MSRA: variants seen among roughly 807,000 people sequenced by gnomAD.
The protein encoded by MSRA is mitochondrial peptide methionine sulfoxide reductase.
In MSRA, 54 loss-of-function variants were observed where a neutral mutation model predicts 31.3. That is an observed-to-expected ratio of 1.73 (90% CI 1.39 to 2.17). MSRA has a LOEUF of 2.17. MSRA is among the 30% of genes most tolerant of loss of function. The pLI is 0.00. For missense variants in MSRA, 507 were observed against 300.9 expected (o/e 1.69, Z -5.07); for synonymous variants, 169 against 116.5 (o/e 1.45, Z -2.90).
intron 1 of MSRA, among the ~76,000 whole-genome samples, chr8:10,111,468 C>G (rs1424629770): frequency 6.6e-6 from 1 of 152,120 alleles, no homozygotes; most frequent in East Asian, 1.9e-4. Flanking sequence ...CAGGTTAACT[C>G]CATTTATGAT....
At chr8:10,314,936 G>A (rs1445471603) in intron 4 of MSRA, among the ~76,000 whole-genome samples, 1 of 152,146 alleles carries the variant, frequency 6.6e-6, no homozygotes, top group African/African-American at 2.4e-5. Context: ...ACATACCGGA[G>A]ACTGGGTAAT....
At chr8:10,256,451 G>A (rs77701739) in intron 3 of MSRA, among the ~76,000 whole-genome samples, 5,362 of 152,224 alleles carry the variant, frequency 0.035, 301 homozygotes, top group African/African-American at 0.12. Context: ...GGTTTTAAAC[G>A]TTCAGTAGAG....
chr8:10,330,005 A>AGTGT (rs1231687542), intron 5 of MSRA, among the ~76,000 whole-genome samples: 3 of 91,312 alleles, frequency 3.3e-5, no homozygotes, highest in Non-Finnish European at 6.9e-5. Context: ...GAGAGAAAAA[A>AGTGT]ATGTGTGTGT....
chr8:10,356,545 T>G (rs1804518491), intron 5 of MSRA, among the ~76,000 whole-genome samples: 1 of 152,170 alleles, frequency 6.6e-6, no homozygotes, highest in Non-Finnish European at 1.5e-5. Context: ...CCACTCAAAT[T>G]CCTTTGTTGA....
intron 1 of MSRA, among the ~76,000 whole-genome samples, chr8:10,106,053 C>A (rs1036854846): frequency 6.6e-5 from 10 of 152,316 alleles, no homozygotes; most frequent in African/African-American, 2.2e-4. Context: ...CTATAGGAAC[C>A]CTCCTTGGTT....
chr8:10,265,466 T>C (rs886533825), intron 3 of MSRA, among the ~76,000 whole-genome samples: 2 of 152,174 alleles, frequency 1.3e-5, no homozygotes, highest in Admixed American at 1.3e-4. Flanking sequence ...CTTTGGAATC[T>C]TCTCTTCTCC....
chr8:10,072,543 C>T (rs953617675), intron 1 of MSRA, among the ~76,000 whole-genome samples: 7 of 152,166 alleles, frequency 4.6e-5, no homozygotes, highest in African/African-American at 1.7e-4. Context: ...AGTCATCCCT[C>T]CCACCTTATT....
chr8:10,363,679 T>A (rs12548803), intron 5 of MSRA, among the ~76,000 whole-genome samples: 141,116 of 151,042 alleles, frequency 0.93, 66,259 homozygotes, highest in East Asian at 1. Context: ...CAGGGGTGGG[T>A]GGATCACTTG....
intron 1 of MSRA, chr8:10,095,850 T>C (rs752981668): frequency 1.1e-4 from 138 of 1,267,388 alleles, no homozygotes; most frequent in Non-Finnish European, 1.3e-4. Context: ...ATAGTGTCCA[T>C]GCATTTGGGA....
intron 1 of MSRA, among the ~76,000 whole-genome samples, chr8:10,055,824 T>C (rs770235936): frequency 9.2e-5 from 14 of 152,000 alleles, no homozygotes; most frequent in Non-Finnish European, 1.9e-4. Context: ...AAGGTAGAGG[T>C]TTTTTGGATT....
intron 5 of MSRA, among the ~76,000 whole-genome samples, chr8:10,424,326 G>A (rs1447944071): frequency 1.3e-5 from 2 of 152,164 alleles, no homozygotes; most frequent in African/African-American, 2.4e-5. Context: ...ATGCTGAGGG[G>A]TGAATCAGGG....
At chr8:10,251,144 G>A (rs1797895195) in intron 3 of MSRA, among the ~76,000 whole-genome samples, 1 of 151,806 alleles carries the variant, frequency 6.6e-6, no homozygotes, top group African/African-American at 2.4e-5. Context: ...TTTCCTTGAT[G>A]CTTGAGAACT....
intron 5 of MSRA, among the ~76,000 whole-genome samples, chr8:10,341,905 G>C (rs1161823993): frequency 6.6e-6 from 1 of 152,196 alleles, no homozygotes; most frequent in African/African-American, 2.4e-5. Flanking sequence ...TGCCAGCTAA[G>C]ATACATCTAG....
chr8:10,398,856 T>C (rs893329943), intron 5 of MSRA, among the ~76,000 whole-genome samples: 1 of 152,254 alleles, frequency 6.6e-6, no homozygotes, highest in Non-Finnish European at 1.5e-5. Flanking sequence ...CCATTGCTTC[T>C]GAATTTTGCT....
At chr8:10,201,759 C>T (rs1808522070) in intron 1 of MSRA, among the ~76,000 whole-genome samples, 1 of 152,204 alleles carries the variant, frequency 6.6e-6, no homozygotes, top group Non-Finnish European at 1.5e-5. Flanking sequence ...TTGACTTTGA[C>T]CCAGTCTTGG....
intron 1 of MSRA, among the ~76,000 whole-genome samples, chr8:10,166,477 A>G (rs976208165): frequency 3.9e-4 from 59 of 152,170 alleles, no homozygotes; most frequent in African/African-American, 1.4e-3. Context: ...ACATGACTAC[A>G]TATGTGTGTG....
intron 2 of MSRA, among the ~76,000 whole-genome samples, chr8:10,219,105 C>T (rs1346165027): frequency 6.6e-6 from 1 of 152,160 alleles, no homozygotes; most frequent in Non-Finnish European, 1.5e-5. Flanking sequence ...GGTCTTGCTT[C>T]TAGATGTGCA....
intron 1 of MSRA, among the ~76,000 whole-genome samples, chr8:10,060,074 G>A (rs1209770416): frequency 6.6e-6 from 1 of 152,144 alleles, no homozygotes; most frequent in African/African-American, 2.4e-5. Flanking sequence ...AAATTCAAAT[G>A]CATATACCTT....
intron 5 of MSRA, among the ~76,000 whole-genome samples, chr8:10,321,419 T>C (rs1802035866): frequency 6.6e-6 from 1 of 152,048 alleles, no homozygotes; most frequent in Non-Finnish European, 1.5e-5. Context: ...AGTTCGACTA[T>C]GATGAGCGGA....
Sources: allele counts gnomAD v4.1 joint callset (sites outside exome capture counted in the v4.1 genomes callset), GRCh38; gene constraint gnomAD v4.1.1; transcripts MANE v1.5; gene names NCBI Gene and HGNC (gene_info 2026-07-23, HGNC 2026-07-21).